DCLK1: variants seen among roughly 807,000 people sequenced by gnomAD.
The protein encoded by DCLK1 is doublecortin like kinase 1.
In DCLK1, 16 loss-of-function variants were observed where a neutral mutation model predicts 86.2. The observed-to-expected ratio is 0.19, with a 90% CI of 0.13 to 0.28. The LOEUF (loss-of-function observed/expected upper bound fraction) is 0.28. Ranked by LOEUF, DCLK1 falls within the 10% of genes least tolerant of loss-of-function variation. The pLI, the probability that DCLK1 is intolerant of heterozygous loss-of-function variation, is 1.00. For missense variants in DCLK1, 590 were observed against 940.2 expected (o/e 0.63, Z 4.87); for synonymous variants, 369 against 370.5 (o/e 1.00, Z 0.05).
rs2153117023 is a variant in DCLK1, at chr13:35,883,318, A to G, written c.824-11978T>C. On this transcript the variant is annotated intron_variant, in intron 4 of 16. Coordinates refer to ENST00000360631, the MANE Select transcript of DCLK1 (RefSeq NM_001330071.2). ...ATGTCTTGGTGCCATCCATGAGGTAATGAGTGTGTTCTCGCTCTGTTAGTT... is the reference window on the plus strand; with the variant it reads ...ATGTCTTGGTGCCATCCATGAGGTAGTGAGTGTGTTCTCGCTCTGTTAGTT... Among the ~76,000 whole-genome samples the G allele has an allele frequency of 2.0e-5, 3 of 152,222 alleles. No individual in the cohort carries two copies. The South Asian group carries it at 6.2e-4, about 32-fold the overall frequency.
intron 1 of DCLK1, among the ~76,000 whole-genome samples, chr13:36,129,095 G>A (rs967388159): frequency 6.6e-6 from 1 of 152,174 alleles, no homozygotes; most frequent in Admixed American, 6.5e-5. Flanking sequence ...AACACTAGGA[G>A]TTTGGGGATT....
chr13:35,982,043 A>C (rs1457873165), intron 3 of DCLK1, among the ~76,000 whole-genome samples: 5 of 152,174 alleles, frequency 3.3e-5, no homozygotes, highest in Non-Finnish European at 2.9e-5. Context: ...CCCAAGGCTG[A>C]AATTCTATGA....
At chr13:36,006,988 G>A (rs1486179520) in intron 3 of DCLK1, among the ~76,000 whole-genome samples, 2 of 152,178 alleles carry the variant, frequency 1.3e-5, no homozygotes, top group Non-Finnish European at 2.9e-5. Flanking sequence ...ATGCTTTCAA[G>A]TTCCATAAAG....
intron 11 of DCLK1, among the ~76,000 whole-genome samples, chr13:35,818,816 G>C (rs559539675): frequency 1.3e-5 from 2 of 151,530 alleles, no homozygotes; most frequent in South Asian, 2.1e-4. Context: ...TAAGCAAAAA[G>C]TTCCTTTAGT....
intron 16 of DCLK1, among the ~76,000 whole-genome samples, chr13:35,777,044 C>G (rs781080923): frequency 1.1e-4 from 16 of 152,162 alleles, no homozygotes; most frequent in Admixed American, 3.3e-4. Context: ...CCTAGAAAGC[C>G]CTTCCCCTGT....
chr13:35,909,690 G>C (rs1402123667), intron 4 of DCLK1, among the ~76,000 whole-genome samples: 1 of 151,476 alleles, frequency 6.6e-6, no homozygotes, highest in Admixed American at 6.6e-5. Flanking sequence ...TGCATTCATA[G>C]GAAGTCATGT....
intron 4 of DCLK1, among the ~76,000 whole-genome samples, chr13:35,911,610 G>A (rs1202384482): frequency 6.6e-6 from 1 of 152,196 alleles, no homozygotes; most frequent in Non-Finnish European, 1.5e-5. Context: ...TCTAGGACTA[G>A]TATTGCCTCT....
At position 36,098,619 on chromosome 13, in the gene DCLK1, A is replaced by G. The variant is rs77609825; in HGVS notation, c.723+13250T>C. Among the ~76,000 whole-genome samples the G allele has an allele frequency of 9.2e-3, 1,402 of 152,348 alleles. 16 individuals are homozygous for G. The highest frequency in any genetic ancestry group is 0.032 in the African/African-American group (1,330 of 41,590). ...AGTTGCCAATCCTCAAAATAGATCCACATTTCCTCTGGTTCTTCCTCTATT... is the reference window on the plus strand; with the variant it reads ...AGTTGCCAATCCTCAAAATAGATCCGCATTTCCTCTGGTTCTTCCTCTATT... On this transcript the variant is annotated intron_variant, in intron 3 of 16. Coordinates refer to ENST00000360631, the MANE Select transcript of DCLK1 (RefSeq NM_001330071.2).
At position 35,814,121 on chromosome 13, in the gene DCLK1, C is replaced by T. The variant is rs372929760; in HGVS notation, c.1555-3153G>A. On this transcript the variant is annotated intron_variant, in intron 11 of 16. Coordinates refer to ENST00000360631, the MANE Select transcript of DCLK1 (RefSeq NM_001330071.2). ...CTCAACGGGGACTCTTCATTAGCACCTGCTACGGCCTGAGCTACGTGCACC... is the reference window on the plus strand; with the variant it reads ...CTCAACGGGGACTCTTCATTAGCACTTGCTACGGCCTGAGCTACGTGCACC... 1.2e-4 allele frequency among the ~76,000 whole-genome samples: 18 copies of T among 152,236 alleles called. No homozygotes were observed. The South Asian group carries it at 3.7e-3, about 32-fold the overall frequency.
At chr13:36,079,849 C>T (rs1884355796) in intron 3 of DCLK1, among the ~76,000 whole-genome samples, 1 of 152,168 alleles carries the variant, frequency 6.6e-6, no homozygotes, top group Admixed American at 6.5e-5. Flanking sequence ...TGATGCTGCA[C>T]ATAGAAGTAG....
chr13:35,963,110 T>C (rs2153137655), intron 3 of DCLK1, among the ~76,000 whole-genome samples: 1 of 152,328 alleles, frequency 6.6e-6, no homozygotes, highest in Admixed American at 6.5e-5. Flanking sequence ...CTCCTCATCT[T>C]GACTCTGTAA....
intron 3 of DCLK1, among the ~76,000 whole-genome samples, chr13:36,044,631 A>G (rs1291667979): frequency 6.6e-6 from 1 of 152,188 alleles, no homozygotes; most frequent in Non-Finnish European, 1.5e-5. Flanking sequence ...AAGCAAAAAG[A>G]GCAAATTTTG....
chr13:35,940,477 G>A (rs1247655592), intron 4 of DCLK1, among the ~76,000 whole-genome samples: 2 of 152,138 alleles, frequency 1.3e-5, no homozygotes, highest in African/African-American at 4.8e-5. Context: ...GTGAGGAGGT[G>A]TGGTCTTTGT....
chr13:35,850,768 G>A (rs1189905209), intron 6 of DCLK1: 5 of 1,597,026 alleles, frequency 3.1e-6, no homozygotes, highest in Non-Finnish European at 4.3e-6. Context: ...AGAGGGGGCG[G>A]TACAGGTCCT....
intron 3 of DCLK1, among the ~76,000 whole-genome samples, chr13:36,041,942 A>G (rs1242662754): frequency 1.3e-5 from 2 of 152,198 alleles, no homozygotes; most frequent in Non-Finnish European, 2.9e-5. Flanking sequence ...TCTATAAGGA[A>G]TTTTTATTGT....
At chr13:35,985,379 AAAAC>A (rs111386771) in intron 3 of DCLK1, among the ~76,000 whole-genome samples, 1 of 146,052 alleles carries the variant, frequency 6.8e-6, no homozygotes, top group Non-Finnish European at 1.5e-5. Context: ...TGCTCTTTGA[AAAAC>A]AAACAAACAA....
At chr13:36,059,973 G>A (rs1401974602) in intron 3 of DCLK1, among the ~76,000 whole-genome samples, 1 of 151,450 alleles carries the variant, frequency 6.6e-6, no homozygotes, top group East Asian at 1.9e-4. Flanking sequence ...CTGAGTTCAA[G>A]AGATTCTTCT....
intron 3 of DCLK1, among the ~76,000 whole-genome samples, chr13:35,954,967 G>A (rs1025569522): frequency 7.9e-5 from 12 of 152,040 alleles, no homozygotes; most frequent in East Asian, 7.8e-4. Context: ...AATTTGATTC[G>A]CTGGGTCAAT....
chr13:36,116,165 GCCTCAAACTCCTGC>G lies in DCLK1; in HGVS notation c.377-3964_377-3951del, dbSNP rs1385180038. On this transcript the variant is annotated intron_variant, in intron 2 of 16. Coordinates refer to ENST00000360631, the MANE Select transcript of DCLK1 (RefSeq NM_001330071.2). ...GGATTTCATCATGTTGGCCCTCCTG[GCCTCAAACTCCTGC>G]CCTCAAGTGATCCGCCCACCTCAGC... is the stretch of plus-strand genomic sequence containing the variant. Among the ~76,000 whole-genome samples, 4 of 151,504 alleles carry G rather than the reference GCCTCAAACTCCTGC, an allele frequency of 2.6e-5. No homozygotes were observed. The South Asian group carries it at 6.3e-4, about 24-fold the overall frequency.
Sources: gnomAD v4.1 joint callset for allele counts (sites outside exome capture counted in the v4.1 genomes callset) on GRCh38, gnomAD v4.1.1 for gene constraint, MANE v1.5 for transcripts, NCBI Gene and HGNC (gene_info 2026-07-23, HGNC 2026-07-21) for gene names.